Variants in CTNNA3 observed in about 807,000 individuals in gnomAD.
CTNNA3 encodes catenin alpha 3.
A neutral mutation model predicts 95.7 loss-of-function variants in CTNNA3; 76 were observed. The observed-to-expected ratio is 0.79, with a 90% CI of 0.66 to 0.96. The LOEUF (loss-of-function observed/expected upper bound fraction) is 0.96, where lower values mean the gene tolerates loss of function less well. CTNNA3 is among the 40% of genes least tolerant of loss of function. The pLI is 0.00. For missense variants in CTNNA3, 1,191 were observed against 1,089.8 expected, an observed-to-expected ratio of 1.09 and a Z score of -1.31; for synonymous variants, 431 against 374.4, an observed-to-expected ratio of 1.15 and a Z score of -1.74.
chr10:67,226,685 A>G (rs1344988683), intron 5 of CTNNA3, among the ~76,000 whole-genome samples: 3 of 152,240 alleles, frequency 2.0e-5, no homozygotes, highest in Non-Finnish European at 4.4e-5. Flanking sequence ...AAGAGAATTT[A>G]CCATTACCAA....
chr10:67,058,720 C>G (rs1341801028), intron 7 of CTNNA3, among the ~76,000 whole-genome samples: 3 of 152,088 alleles, frequency 2.0e-5, no homozygotes, highest in East Asian at 3.9e-4. Flanking sequence ...AGCTATTTCT[C>G]TTTTTGCAAG....
chr10:67,637,626 T>C (rs1213818811), intron 2 of CTNNA3, among the ~76,000 whole-genome samples: 2 of 152,300 alleles, frequency 1.3e-5, no homozygotes, highest in South Asian at 4.1e-4. Flanking sequence ...AAGGTCGGGT[T>C]ACCCACAAAG....
intron 15 of CTNNA3, among the ~76,000 whole-genome samples, chr10:66,049,324 T>TA (rs1263631331): frequency 6.6e-6 from 1 of 152,168 alleles, no homozygotes; most frequent in African/African-American, 2.4e-5. Context: ...AGGGAACACT[T>TA]ATACACAGTT....
At chr10:65,979,401 C>G (rs2078274124) in intron 16 of CTNNA3, among the ~76,000 whole-genome samples, 1 of 152,130 alleles carries the variant, frequency 6.6e-6, no homozygotes, top group Admixed American at 6.5e-5. Context: ...GTGTCACCCT[C>G]TCCCTCATGC....
At chr10:67,507,212 T>C (rs1015117350) in intron 5 of CTNNA3, among the ~76,000 whole-genome samples, 1 of 152,102 alleles carries the variant, frequency 6.6e-6, no homozygotes, top group Non-Finnish European at 1.5e-5. Context: ...ATGGAAAATC[T>C]GAATAGACCA....
chr10:65,983,741 T>C (rs10996808), intron 16 of CTNNA3, among the ~76,000 whole-genome samples: 4,567 of 151,530 alleles, frequency 0.03, 87 homozygotes, highest in Middle Eastern at 0.092. Flanking sequence ...GTCTAAAAAA[T>C]GTTGAATGAC....
At chr10:66,075,809 GTC>G (rs1433092822) in intron 14 of CTNNA3, among the ~76,000 whole-genome samples, 2 of 151,522 alleles carry the variant, frequency 1.3e-5, no homozygotes, top group Non-Finnish European at 3.0e-5. Flanking sequence ...CAGTCCATGT[GTC>G]TTCATTAGTA....
At chr10:66,883,327 G>A (rs528537793) in intron 7 of CTNNA3, among the ~76,000 whole-genome samples, 3 of 152,186 alleles carry the variant, frequency 2.0e-5, no homozygotes, top group South Asian at 4.1e-4. Flanking sequence ...CAGGCTGAGT[G>A]GGGGAAGAAA....
chr10:66,800,514 CTT>C (rs1325595038), intron 7 of CTNNA3, among the ~76,000 whole-genome samples: 2 of 150,760 alleles, frequency 1.3e-5, no homozygotes, highest in Admixed American at 1.3e-4. Flanking sequence ...ATTTGAGACA[CTT>C]ATCTATGAAA....
At position 66,766,269 on chromosome 10, in the gene CTNNA3, C is replaced by T. The variant is rs576608598; in HGVS notation, c.1276G>A (p.Val426Ile). 8 of 1,613,540 alleles carry T rather than the reference C, an allele frequency of 5.0e-6. No homozygotes were observed. The Middle Eastern group carries it at 8.2e-4, about 166-fold the overall frequency. The change falls in exon 9 of 18, where the codon GTA becomes ATA. Residue 426 changes from valine to isoleucine, a missense_variant. Transcript: ENST00000433211. ...AIFHEHTSRL[V>I]EVANLACSMS... ...TACAGTTCTAGCATGCTTACCTCTA[C>T]AAGCCTGCTGGTGTGTTCATGAAAT...
chr10:66,996,564 C>T (rs1483155432), intron 7 of CTNNA3, among the ~76,000 whole-genome samples: 1 of 141,754 alleles, frequency 7.1e-6, no homozygotes, highest in African/African-American at 2.6e-5. Context: ...AGGAGAATTG[C>T]TTGAACCCAG....
At chr10:66,376,053 T>TG (rs1336295456) in intron 12 of CTNNA3, among the ~76,000 whole-genome samples, 1 of 152,054 alleles carries the variant, frequency 6.6e-6, no homozygotes, top group Non-Finnish European at 1.5e-5. Context: ...TAAAACTAGG[T>TG]GGGGGTTGGA....
At chr10:66,778,874 G>A (rs545384839) in intron 7 of CTNNA3, among the ~76,000 whole-genome samples, 4 of 152,184 alleles carry the variant, frequency 2.6e-5, no homozygotes, top group African/African-American at 9.6e-5. Flanking sequence ...TACTTGCGAG[G>A]CTAAGGCAGG....
At chr10:67,309,817 G>T (rs755042496) in intron 5 of CTNNA3, among the ~76,000 whole-genome samples, 1 of 151,912 alleles carries the variant, frequency 6.6e-6, no homozygotes, top group Non-Finnish European at 1.5e-5. Flanking sequence ...TACCATTGCC[G>T]GCCAAAAGGA....
intron 7 of CTNNA3, among the ~76,000 whole-genome samples, chr10:67,048,983 T>C (rs1854920953): frequency 6.6e-6 from 1 of 152,044 alleles, no homozygotes; most frequent in South Asian, 2.1e-4. Context: ...TAATTTTATT[T>C]TCTTTTAACA....
intron 4 of CTNNA3, among the ~76,000 whole-genome samples, chr10:67,528,951 T>C (rs1840232580): frequency 6.6e-6 from 1 of 152,206 alleles, no homozygotes. Flanking sequence ...AGATCTATTG[T>C]ACATCATGGT....
intron 7 of CTNNA3, among the ~76,000 whole-genome samples, chr10:66,912,216 C>T (rs975335725): frequency 6.6e-6 from 1 of 152,132 alleles, no homozygotes; most frequent in Non-Finnish European, 1.5e-5. Context: ...CACTCACCCT[C>T]ACACACCACA....
chr10:67,402,263 G>T (rs1844950955), intron 5 of CTNNA3, among the ~76,000 whole-genome samples: 1 of 152,138 alleles, frequency 6.6e-6, no homozygotes, highest in Non-Finnish European at 1.5e-5. Context: ...TTAATTTCTT[G>T]AGCTGAAAAA....
intron 12 of CTNNA3, among the ~76,000 whole-genome samples, chr10:66,372,298 A>G (rs1378271487): frequency 6.6e-6 from 1 of 152,196 alleles, no homozygotes; most frequent in Non-Finnish European, 1.5e-5. Flanking sequence ...TGAATTAGTC[A>G]TTTTACAGAA....
Sources: gnomAD v4.1 joint callset for allele counts (sites outside exome capture counted in the v4.1 genomes callset) on GRCh38, gnomAD v4.1.1 for gene constraint, MANE v1.5 for transcripts, NCBI Gene and HGNC (gene_info 2026-07-23, HGNC 2026-07-21) for gene names.